PCCB: variants seen among roughly 807,000 people sequenced by gnomAD.
The protein encoded by PCCB is propionyl-CoA carboxylase subunit beta, also known as propionyl-CoA carboxylase beta chain, mitochondrial.
PCCB carries 43 observed loss-of-function variants against 60.7 expected under a neutral mutation model. That is an observed-to-expected ratio of 0.71 (90% CI 0.55 to 0.91). The LOEUF (loss-of-function observed/expected upper bound fraction) is 0.91. PCCB is among the 40% of genes least tolerant of loss of function. The pLI is 0.00. For missense variants in PCCB, 766 were observed against 702.8 expected, an observed-to-expected ratio of 1.09 and a Z score of -1.02; for synonymous variants, 276 against 255.9, an observed-to-expected ratio of 1.08 and a Z score of -0.75.
intron 5 of PCCB, among the ~76,000 whole-genome samples, chr3:136,272,662 A>T (rs1293135885): frequency 2.6e-5 from 4 of 151,826 alleles, no homozygotes; most frequent in Non-Finnish European, 5.9e-5. Context: ...GTCTTGAGTG[A>T]TCTTTTGTAT....
chr3:136,293,784 C>T lies in PCCB; in HGVS notation c.683C>T (p.Pro228Leu), dbSNP rs374722096. 6.8e-5 allele frequency: 109 copies of T among 1,612,712 alleles called. No individual in the cohort carries two copies. The highest frequency in any genetic ancestry group is 9.0e-5 in the Non-Finnish European group (106 of 1,178,912). The change falls in exon 7 of 15, where the codon CCT (proline) becomes CTT (leucine). Residue 228 changes from proline (P) to leucine (L), a missense_variant. Coordinates refer to ENST00000251654, the MANE Select transcript of PCCB (RefSeq NM_000532.5). ...ACCTCCTACCTGTTCATCACTGGCC[C>T]TGATGTTGTGAAGTCTGTCACCAAT... ...KDTSYLFITG[P>L]DVVKSVTNED...
chr3:136,285,689 C>T (rs879331941), intron 6 of PCCB, among the ~76,000 whole-genome samples: 2 of 152,148 alleles, frequency 1.3e-5, no homozygotes, highest in Non-Finnish European at 2.9e-5. Flanking sequence ...TCTGACCATA[C>T]CTTCCTGGTT....
At chr3:136,274,824 C>CTTTT (rs796392217) in intron 5 of PCCB, among the ~76,000 whole-genome samples, 1 of 145,298 alleles carries the variant, frequency 6.9e-6, no homozygotes, top group East Asian at 2.0e-4. Context: ...TTTCTTCTTT[C>CTTTT]TTTTTTTTTT....
rs1560035757 is a variant in PCCB at position 136,330,033 on chromosome 3, C to A, written c.*7C>A. On this transcript the variant is annotated 3_prime_UTR_variant, in exon 15 of 15. Coordinates refer to ENST00000251654, the MANE Select transcript of PCCB (RefSeq NM_000532.5). ...TGCAAATATTCCATTGTAAACAAAT[C>A]AAAGGAAAAGAAACCAAGAACTGAA... The A allele has an allele frequency of 1.9e-6, 3 of 1,613,988 alleles. No individual in the cohort carries two copies. The highest frequency in any genetic ancestry group is 1.1e-5 in the South Asian group (1 of 91,054).
rs1415349586 is a variant in PCCB at position 136,303,998 on chromosome 3, C to T, written c.966+2887C>T. ...AACAGAAATTTATTTTCTGTCAGTT[C>T]TGGAGGCTAGAAGTCCAAGATCATG... On this transcript the variant is annotated intron_variant, in intron 9 of 14. Coordinates refer to ENST00000251654, the MANE Select transcript of PCCB (RefSeq NM_000532.5). 5.7e-5 allele frequency among the ~76,000 whole-genome samples: 7 copies of T among 121,868 alleles called. 2 individuals are homozygous for T. The South Asian group carries it at 2.3e-3, about 40-fold the overall frequency. The allele number at this position is 121,868 out of a possible 152,430, so 80.0% of individuals were successfully genotyped here. A position where few individuals can be genotyped will look rare whatever the true frequency, so the allele number is the denominator to read the frequency against.
chr3:136,300,065 AACACATATATGCATATACGCATATCT>A (rs570780717), intron 8 of PCCB, among the ~76,000 whole-genome samples: 2,578 of 151,424 alleles, frequency 0.017, 78 homozygotes, highest in African/African-American at 0.06. Flanking sequence ...CATGCATATC[AACACATATATGCATATACGCATATCT>A]ACACATATAC....
At chr3:136,315,150 G>A (rs895327540) in intron 9 of PCCB, among the ~76,000 whole-genome samples, 9 of 152,238 alleles carry the variant, frequency 5.9e-5, no homozygotes, top group African/African-American at 2.2e-4. Context: ...AGCACCAGGT[G>A]ATCCTGGCTC....
chr3:136,320,124 G>A (rs1935059145), intron 10 of PCCB, among the ~76,000 whole-genome samples: 1 of 152,172 alleles, frequency 6.6e-6, no homozygotes, highest in African/African-American at 2.4e-5. Context: ...TTTTGAAATT[G>A]GGAAGTGTGT....
chr3:136,322,998 GTTTT>G (rs35582341), intron 10 of PCCB, among the ~76,000 whole-genome samples: 9 of 121,318 alleles, frequency 7.4e-5, no homozygotes, highest in African/African-American at 2.0e-4. Flanking sequence ...TAAATGATGA[GTTTT>G]TTTTTTTTTT....
chr3:136,310,092 A>G (rs1353594375), intron 9 of PCCB, among the ~76,000 whole-genome samples: 2 of 151,920 alleles, frequency 1.3e-5, no homozygotes, highest in African/African-American at 2.4e-5. Context: ...GGGCCAGGCA[A>G]GGTGGCTCAC....
chr3:136,260,932 C>T (rs750584761), intron 4 of PCCB, among the ~76,000 whole-genome samples: 3 of 152,024 alleles, frequency 2.0e-5, no homozygotes, highest in Non-Finnish European at 2.9e-5. Context: ...TTTAATAGGA[C>T]GTAAAAATAT....
At chr3:136,298,177 AGT>A in intron 8 of PCCB, 105 bp downstream of exon 8, 1 of 1,341,392 alleles carries the variant, frequency 7.5e-7, no homozygotes, top group South Asian at 1.2e-5. Flanking sequence ...GTTGCAGCAG[AGT>A]GTGGTAGAGT....
chr3:136,297,307 G>A (rs977502486), intron 7 of PCCB, among the ~76,000 whole-genome samples: 17 of 152,182 alleles, frequency 1.1e-4, no homozygotes, highest in African/African-American at 3.6e-4. Context: ...ACAAGAGACC[G>A]TAGGGGCAAT....
intron 5 of PCCB, among the ~76,000 whole-genome samples, chr3:136,268,247 A>G (rs1253191695): frequency 6.6e-6 from 1 of 150,470 alleles, no homozygotes; most frequent in Non-Finnish European, 1.5e-5. Flanking sequence ...AGAGTCTAAC[A>G]TCACTCTTGT....
chr3:136,264,199 T>C (rs2108150285), intron 5 of PCCB, among the ~76,000 whole-genome samples: 1 of 152,200 alleles, frequency 6.6e-6, no homozygotes, highest in South Asian at 2.1e-4. Context: ...GGAGATACTA[T>C]GTCTTCTTTA....
At chr3:136,316,824 C>G in intron 9 of PCCB, 117 bp from the exon 10 acceptor site, 1 of 1,167,220 alleles carries the variant, frequency 8.6e-7, no homozygotes, top group South Asian at 1.2e-5. Flanking sequence ...TGTGATAGAG[C>G]TGGAGCTGTC....
intron 6 of PCCB, among the ~76,000 whole-genome samples, chr3:136,293,539 C>A (rs1207425142): frequency 6.6e-6 from 1 of 152,136 alleles, no homozygotes; most frequent in African/African-American, 2.4e-5. Flanking sequence ...AAGTTAACTT[C>A]TGAGGTAGAA....
intron 5 of PCCB, among the ~76,000 whole-genome samples, chr3:136,266,281 A>C (rs965815069): frequency 9.9e-5 from 15 of 151,984 alleles, no homozygotes; most frequent in Non-Finnish European, 1.9e-4. Flanking sequence ...GGCATGTGCC[A>C]CCATGGCTGG....
intron 9 of PCCB, among the ~76,000 whole-genome samples, chr3:136,309,629 G>A (rs781347843): frequency 1.3e-5 from 2 of 152,016 alleles, no homozygotes; most frequent in Non-Finnish European, 2.9e-5. Context: ...GTGAGTCCCT[G>A]TCTCTACAAA....
Sources: gnomAD v4.1 joint callset for allele counts (sites outside exome capture counted in the v4.1 genomes callset) on GRCh38, gnomAD v4.1.1 for gene constraint, MANE v1.5 for transcripts, NCBI Gene and HGNC (gene_info 2026-07-23, HGNC 2026-07-21) for gene names.